CD99L2: variants seen among roughly 807,000 people sequenced by gnomAD.
The protein encoded by CD99L2 is CD99 antigen-like protein 2.
A neutral mutation model predicts 27.3 loss-of-function variants in CD99L2; 24 were observed. The observed-to-expected ratio is 0.88, with a 90% confidence interval of 0.64 to 1.24. The LOEUF is 1.24. CD99L2 is among the 50% of genes most tolerant of loss of function. CD99L2 has a pLI of 0.00. For synonymous variants in CD99L2, 97 were observed against 87.9 expected, an observed-to-expected ratio of 1.10 and a Z score of -0.58; for missense variants, 255 against 221.6, an observed-to-expected ratio of 1.15 and a Z score of -0.96.
chrX:150,882,096 G>A (rs1441497985), intron 1 of CD99L2, among the ~76,000 whole-genome samples: 1 of 110,200 alleles, frequency 9.1e-6, no homozygotes, highest in South Asian at 3.9e-4. Context: ...GATTACAGGC[G>A]TGAGCCACCG....
chrX:150,861,141 C>CAAAAAAAAAAAAAAAAAAAA (rs782255590), intron 1 of CD99L2, among the ~76,000 whole-genome samples: 21 of 40,900 alleles, frequency 5.1e-4, no homozygotes, highest in South Asian at 1.4e-3. Context: ...GACTCTGTCT[C>CAAAAAAAAAAAAAAAAAAAA]AAAAAAAAAA....
chrX:150,838,925 G>A (rs1325410275), intron 1 of CD99L2, among the ~76,000 whole-genome samples: 1 of 89,985 alleles, frequency 1.1e-5, no homozygotes, highest in African/African-American at 3.9e-5. Flanking sequence ...AAATGGGGGG[G>A]GGGGTGTAAA....
intron 7 of CD99L2, among the ~76,000 whole-genome samples, chrX:150,780,917 G>C (rs782240952): frequency 8.9e-6 from 1 of 112,436 alleles, no homozygotes; most frequent in East Asian, 2.8e-4. Context: ...GGTGGAAATG[G>C]AGGTTGGCAC....
At chrX:150,769,676 C>T (rs1430708360) in intron 10 of CD99L2, among the ~76,000 whole-genome samples, 2 of 90,513 alleles carry the variant, frequency 2.2e-5, no homozygotes, top group Admixed American at 3.0e-4. Context: ...AGTCTCCCTG[C>T]CTGCGCCACC....
chrX:150,872,094 G>C (rs2047166049), intron 1 of CD99L2, among the ~76,000 whole-genome samples: 1 of 110,647 alleles, frequency 9.0e-6, no homozygotes, highest in Admixed American at 9.7e-5. Flanking sequence ...AGCCAGTCAT[G>C]GTGGTACATG....
Position 150,768,822 on chromosome X carries a change from G to C in CD99L2, c.*212C>G. 1.1e-6 allele frequency: 1 copy of C among 882,774 alleles called. No homozygotes were observed. The highest frequency in any genetic ancestry group is 1.4e-6 in the Non-Finnish European group (1 of 694,644). 72.8% of individuals were successfully genotyped at this position (882,774 alleles called of 1,213,427 possible). Reference sequence around the variant, plus strand: ...CTGGTGCTGGCTTTCTATCAGAGCTGGCTCTTGAATTTCGGCACCAAGTCT... The same window carrying C: ...CTGGTGCTGGCTTTCTATCAGAGCTCGCTCTTGAATTTCGGCACCAAGTCT... On this transcript the variant is annotated 3_prime_UTR_variant, in exon 11 of 11. Transcript: ENST00000370377.
intron 7 of CD99L2, among the ~76,000 whole-genome samples, chrX:150,778,641 TAGGG>T (rs1328982531): frequency 4.0e-5 from 4 of 99,369 alleles, no homozygotes; most frequent in African/African-American, 1.5e-4. Flanking sequence ...TCATTTACAT[TAGGG>T]ACATGTACCC....
intron 7 of CD99L2, among the ~76,000 whole-genome samples, chrX:150,784,435 C>G (rs782449297): frequency 9.0e-6 from 1 of 111,565 alleles, no homozygotes; most frequent in Non-Finnish European, 1.9e-5. Context: ...ACAGAAGCTA[C>G]GTGTTACTTC....
intron 1 of CD99L2, among the ~76,000 whole-genome samples, chrX:150,834,036 A>C (rs1302041071): frequency 1.8e-5 from 2 of 112,440 alleles, no homozygotes; most frequent in African/African-American, 6.5e-5. Flanking sequence ...AAAAGGGGTT[A>C]ATATCCAAAA....
In CD99L2 at chrX:150,776,173, C is replaced by T; in HGVS notation, c.655+1G>A. The T allele has an allele frequency of 2.5e-6, 3 of 1,210,508 alleles. No individual in the cohort carries two copies. The highest frequency in any genetic ancestry group is 3.4e-6 in the Non-Finnish European group (3 of 894,897). ...AGCCACGAGTGGGTGGCTGCACTTA[C>T]GCTGAATGCTGAAGCAGAACTTCTT... On this transcript the variant is annotated splice_donor_variant, in intron 9 of 10. Transcript: ENST00000370377. LOFTEE classifies it high-confidence loss of function.
At chrX:150,792,485 C>G (rs1288793929) in intron 7 of CD99L2, among the ~76,000 whole-genome samples, 1 of 112,282 alleles carries the variant, frequency 8.9e-6, no homozygotes, top group South Asian at 3.7e-4. Flanking sequence ...AGAGATGACT[C>G]TGTCTGGAAA....
chrX:150,895,288 G>A (rs1266405363), intron 1 of CD99L2, among the ~76,000 whole-genome samples: 1 of 111,662 alleles, frequency 9.0e-6, no homozygotes, highest in Non-Finnish European at 1.9e-5. Flanking sequence ...CATTTCTGGA[G>A]GCACATACAG....
At chrX:150,841,317 A>G (rs782704723) in intron 1 of CD99L2, among the ~76,000 whole-genome samples, 8 of 112,757 alleles carry the variant, frequency 7.1e-5, no homozygotes, top group South Asian at 7.3e-4. Context: ...GTCTGTATCC[A>G]TATCTATATC....
intron 1 of CD99L2, among the ~76,000 whole-genome samples, chrX:150,850,114 C>A (rs1473369096): frequency 1.8e-5 from 2 of 111,553 alleles, no homozygotes; most frequent in African/African-American, 6.5e-5. Context: ...ATTAAAACAA[C>A]AAAACAAAAC....
intron 1 of CD99L2, among the ~76,000 whole-genome samples, chrX:150,843,275 T>TG (rs782423260): frequency 8.9e-6 from 1 of 111,996 alleles, no homozygotes; most frequent in South Asian, 3.7e-4. Context: ...GTTTACAATT[T>TG]GGGGGGAAGA....
chrX:150,826,658 A>G (rs781951618), intron 2 of CD99L2, among the ~76,000 whole-genome samples: 1 of 112,045 alleles, frequency 8.9e-6, no homozygotes, highest in South Asian at 3.8e-4. Context: ...TGAAGTAATA[A>G]AAGTGTTCTA....
intron 4 of CD99L2, among the ~76,000 whole-genome samples, chrX:150,804,521 C>T (rs1217740470): frequency 9.1e-6 from 1 of 109,615 alleles, no homozygotes; most frequent in African/African-American, 3.3e-5. Flanking sequence ...CCATGGTGGG[C>T]AGATCACGAG....
chrX:150,797,194 CT>C (rs1267578810), intron 4 of CD99L2, among the ~76,000 whole-genome samples: 1 of 110,221 alleles, frequency 9.1e-6, no homozygotes, highest in Non-Finnish European at 1.9e-5. Context: ...GAATGCAATA[CT>C]AAAAAAAAAT....
At chrX:150,830,692 C>T (rs2046429975) in intron 2 of CD99L2, among the ~76,000 whole-genome samples, 1 of 111,990 alleles carries the variant, frequency 8.9e-6, no homozygotes, top group African/African-American at 3.2e-5. Context: ...CCAGTAGGGG[C>T]TATGACTTGA....
Sources: allele counts gnomAD v4.1 joint callset (sites outside exome capture counted in the v4.1 genomes callset), GRCh38; gene constraint gnomAD v4.1.1; transcripts MANE v1.5; gene names NCBI Gene and HGNC (gene_info 2026-07-23, HGNC 2026-07-21).